C6orf62: variants seen among roughly 807,000 people sequenced by gnomAD.
The protein encoded by C6orf62 is uncharacterized protein C6orf62.
C6orf62 carries 16 observed loss-of-function variants against 26.8 expected under a neutral mutation model. The ratio of observed to expected loss-of-function variants is 0.60; its 90% CI spans 0.40 to 0.91. C6orf62 has a LOEUF of 0.91. C6orf62 is among the 40% of genes least tolerant of loss of function. C6orf62 has a pLI of 0.00. For synonymous variants in C6orf62, 112 were observed against 91.5 expected, an observed-to-expected ratio of 1.22 and a Z score of -1.28; for missense variants, 192 against 271.4, an observed-to-expected ratio of 0.71 and a Z score of 2.06.
chr6:24,718,503 T>A, intron 1 of C6orf62, 37 bp downstream of exon 1: 1 of 1,546,210 alleles, frequency 6.5e-7, no homozygotes. Flanking sequence ...TTACAAAAAT[T>A]ACTTGTGCTA....
chr6:24,720,281 G>T (rs1002397812), upstream of C6orf62: 2 of 1,300,414 alleles, frequency 1.5e-6, no homozygotes, highest in Non-Finnish European at 1.9e-6. Context: ...GGCGGCGGCG[G>T]AAGAGGCGGC....
chr6:24,718,672 G>C lies in C6orf62; in HGVS notation c.-4C>G. On this transcript the variant is annotated 5_prime_UTR_variant, in exon 1 of 5. Transcript: ENST00000378119. ...TCCGGGAGTTTGGGTCCCCCATTTT[G>C]AAATACAGGTGGTACTAAAGCCTTT... 1 of 1,613,744 alleles carries C rather than the reference G, an allele frequency of 6.2e-7. No homozygotes were observed. The highest frequency in any genetic ancestry group is 8.5e-7 in the Non-Finnish European group (1 of 1,179,960).
At chr6:24,709,424 A>T (rs1314801627) in intron 3 of C6orf62, 9 of 984,710 alleles carry the variant, frequency 9.1e-6, no homozygotes, top group African/African-American at 1.7e-5. Flanking sequence ...GAAAAAAAAA[A>T]AATAAATCTG....
At chr6:24,719,896 A>C (rs577439102), upstream of C6orf62, 2,162 of 1,547,348 alleles carry the variant, frequency 1.4e-3, 23 homozygotes, top group African/African-American at 0.027. Flanking sequence ...TCAGGTTTTC[A>C]CTCATTTCAT....
At chr6:24,720,128 A>T, upstream of C6orf62, 1 of 1,153,450 alleles carries the variant, frequency 8.7e-7, no homozygotes, top group East Asian at 5.0e-5. Flanking sequence ...TTGTTTCCCG[A>T]GGGGCAGGGG....
At chr6:24,717,894 T>C (rs1779265785) in intron 1 of C6orf62, among the ~76,000 whole-genome samples, 2 of 152,352 alleles carry the variant, frequency 1.3e-5, no homozygotes, top group South Asian at 4.1e-4. Flanking sequence ...CTGTTTGCTA[T>C]TTAACTGCGG....
chr6:24,706,326 G>A (rs569455277), intron 4 of C6orf62, 64 bp from the exon 5 acceptor site: 4 of 1,582,836 alleles, frequency 2.5e-6, no homozygotes, highest in Non-Finnish European at 3.4e-6. Context: ...GTCACATGAA[G>A]TCCATTTCCC....
upstream of C6orf62, chr6:24,719,216 TA>T: frequency 5.1e-6 from 5 of 975,302 alleles, no homozygotes; most frequent in Non-Finnish European, 6.0e-6. Flanking sequence ...CAAAACAGGG[TA>T]GGTGAATGAA....
At chr6:24,719,768 T>C, upstream of C6orf62, 8 of 1,544,574 alleles carry the variant, frequency 5.2e-6, no homozygotes, top group African/African-American at 6.9e-5. Context: ...GGCGGGTTCT[T>C]CTCCCAAATC....
chr6:24,720,193 C>G (rs1779327491), upstream of C6orf62: 1 of 1,361,032 alleles, frequency 7.3e-7, no homozygotes, highest in Non-Finnish European at 9.4e-7. Context: ...CCTCCCTGTC[C>G]CCGCGGAGCC....
chr6:24,710,137 T>C (rs954241773), intron 3 of C6orf62: 2 of 985,134 alleles, frequency 2.0e-6, no homozygotes, highest in Non-Finnish European at 2.4e-6. Context: ...TACTAAACAA[T>C]AGGAATAAGG....
At chr6:24,716,611 T>A (rs1392506359) in intron 1 of C6orf62, among the ~76,000 whole-genome samples, 1 of 152,214 alleles carries the variant, frequency 6.6e-6, no homozygotes, top group Non-Finnish European at 1.5e-5. Context: ...ATTAAAAATC[T>A]CACCAGTTTT....
Position 24,716,166 on chromosome 6 carries a change from T to C in C6orf62, c.288A>G (p.Arg96=), listed in dbSNP as rs201578405. The C allele has an allele frequency of 3.7e-5, 59 of 1,613,982 alleles. No individual in the cohort carries two copies. Among genetic ancestry groups the C allele is most frequent in the East Asian group, 1.3e-4 (6 of 44,874 alleles). The change falls in exon 2 of 5, where the codon CGA becomes CGG. Residue 96 remains arginine (R), a synonymous_variant. Transcript: ENST00000378119. ...AACTTACCCTTCTCATAGACTGATA[T>C]CGAGGAGCATGGAGCTGTACCACAT... The part of the protein sequence containing the change: ...QKDVVQLHAP[R]YQSMRRDVIG...
chr6:24,711,257 A>ACACACACACACACACAC (rs1554192457), intron 3 of C6orf62, among the ~76,000 whole-genome samples: 26 of 151,066 alleles, frequency 1.7e-4, no homozygotes, highest in African/African-American at 6.1e-4. Flanking sequence ...CACACACACA[A>ACACACACACACACACAC]ACACACACAC....
chr6:24,710,744 A>AT (rs975383281), intron 3 of C6orf62, among the ~76,000 whole-genome samples: 17 of 152,158 alleles, frequency 1.1e-4, no homozygotes, highest in African/African-American at 4.1e-4. Context: ...CAGACCTATA[A>AT]TCCCAGCACT....
At chr6:24,715,597 A>G (rs1376455599) in intron 2 of C6orf62, among the ~76,000 whole-genome samples, 2 of 152,128 alleles carry the variant, frequency 1.3e-5, no homozygotes, top group African/African-American at 4.8e-5. Context: ...CTGTAATCTC[A>G]GCACTTTGGG....
At chr6:24,707,527 T>C (rs1034613355) in intron 4 of C6orf62, among the ~76,000 whole-genome samples, 4 of 152,022 alleles carry the variant, frequency 2.6e-5, no homozygotes, top group Admixed American at 2.6e-4. Flanking sequence ...CCGGCTAATT[T>C]CTTTGATTTT....
chr6:24,720,443 C>T, upstream of C6orf62: 3 of 1,096,292 alleles, frequency 2.7e-6, no homozygotes, highest in Non-Finnish European at 3.3e-6. Context: ...GACCCATAGT[C>T]TGGCTCGGCG....
At chr6:24,709,100 C>T (rs964153478) in intron 3 of C6orf62, 189 bp from the exon 4 acceptor site, 2 of 983,674 alleles carry the variant, frequency 2.0e-6, no homozygotes, top group African/African-American at 3.5e-5. Context: ...AAGCAATTTA[C>T]AATTCCATTC....
Sources: allele counts gnomAD v4.1 joint callset (sites outside exome capture counted in the v4.1 genomes callset), GRCh38; gene constraint gnomAD v4.1.1; transcripts MANE v1.5; gene names NCBI Gene and HGNC (gene_info 2026-07-23, HGNC 2026-07-21).